The following CSMD1 variants were observed in gnomAD, a reference collection of about 807,000 sequenced individuals.
CSMD1 encodes CUB and sushi domain-containing protein 1.
CSMD1 carries 213 observed loss-of-function variants against 417.5 expected under a neutral mutation model. The observed-to-expected ratio is 0.51, with a 90% CI of 0.46 to 0.57. The LOEUF (loss-of-function observed/expected upper bound fraction) is 0.57, where lower values mean the gene tolerates loss of function less well. Among genes scored for constraint, CSMD1 ranks in the 20% least tolerant of loss-of-function variants. The probability of loss-of-function intolerance (pLI) is 0.00; values close to 1 mark genes in which losing one functional copy is unlikely to be tolerated. For synonymous variants in CSMD1, 2,862 were observed against 1,736.8 expected, an observed-to-expected ratio of 1.65 and a Z score of -16.11; for missense variants, 6,923 against 4,529.7, an observed-to-expected ratio of 1.53 and a Z score of -15.17.
rs1554518393 is a variant in CSMD1, at chr8:3,709,680, G to GGCTTTTTTTTTTTTTTTTT, written c.932-1190_932-1189insAAAAAAAAAAAAAAAAAGC. Among the ~76,000 whole-genome samples the GGCTTTTTTTTTTTTTTTTT allele has an allele frequency of 4.2e-4, 14 of 33,690 alleles. 2 individuals carry two copies. The highest frequency in any genetic ancestry group is 4.2e-4 in the African/African-American group (4 of 9,430). 22.1% of individuals were successfully genotyped at this position (33,690 alleles called of 152,430 possible). On this transcript the variant is annotated intron_variant, in intron 6 of 69. Coordinates refer to ENST00000635120, the MANE Select transcript of CSMD1 (RefSeq NM_033225.6). ...GATGGGCTTTAAATTGCAGCAGCAT[G>GGCTTTTTTTTTTTTTTTTT]TTTTTTTTTTTTTTTTTTTTTTTTT...
intron 3 of CSMD1, among the ~76,000 whole-genome samples, chr8:4,278,737 T>C (rs1796622431): frequency 6.6e-6 from 1 of 152,220 alleles, no homozygotes; most frequent in Non-Finnish European, 1.5e-5. Context: ...CTATCATCTC[T>C]GTTTGACTTG....
chr8:3,301,442 AG>A (rs1804400619), intron 25 of CSMD1, among the ~76,000 whole-genome samples: 1 of 152,218 alleles, frequency 6.6e-6, no homozygotes, highest in Non-Finnish European at 1.5e-5. Flanking sequence ...AGAGATTATT[AG>A]TACAGAAGGA....
chr8:3,018,599 G>A lies in CSMD1; in HGVS notation c.7907C>T (p.Thr2636Met), dbSNP rs1184531132. The A allele has an allele frequency of 3.7e-6, 6 of 1,613,076 alleles. No individual in the cohort carries two copies. Among genetic ancestry groups the A allele is most frequent in the African/African-American group, 1.3e-5 (1 of 74,762 alleles). Residue 2636 changes from threonine to methionine, a missense_variant, in exon 52 of 70, where the codon ACG (threonine) becomes ATG (methionine). Physicochemically the swap from Thr to Met is moderately conservative, Grantham distance 81. Transcript: ENST00000635120. ...AGCTGTGGCCCCATAAACTGTCAAC[G>A]TTCCAATCTTGTTGCCATTTGGGGG... ...SFPPNGNKIG[T>M]LTVYGATAIF... is the part of the protein sequence containing the mutation.
rs553419516 is a variant in CSMD1, at chr8:3,798,521, A to G, written c.819-44479T>C. ...GTCAAAAGGTGAGAAAGAAGAGGAA[A>G]GACAGCAAAGATCATATGAAAACAC... On this transcript the variant is annotated intron_variant, in intron 5 of 69. Transcript: ENST00000635120. Among the ~76,000 whole-genome samples, 8 of 152,234 alleles carry G rather than the reference A, an allele frequency of 5.3e-5. No homozygotes were observed. In the South Asian group the frequency reaches 1.7e-3, roughly 32 times the overall value.
At chr8:4,186,313 G>C (rs1384779619) in intron 3 of CSMD1, among the ~76,000 whole-genome samples, 1 of 152,090 alleles carries the variant, frequency 6.6e-6, no homozygotes, top group African/African-American at 2.4e-5. Flanking sequence ...GGGGCAGTCA[G>C]CTTTCCAACT....
At chr8:3,308,065 AATAATATGTGATAATT>A (rs1313545911) in intron 24 of CSMD1, among the ~76,000 whole-genome samples, 1 of 30,714 alleles carries the variant, frequency 3.3e-5, no homozygotes, top group Non-Finnish European at 7.2e-5. Context: ...TGATAATTCT[AATAATATGTGATAATT>A]CTAATAATAA....
chr8:4,062,701 A>C (rs1331588577), intron 3 of CSMD1, among the ~76,000 whole-genome samples: 1 of 151,976 alleles, frequency 6.6e-6, no homozygotes, highest in Non-Finnish European at 1.5e-5. Context: ...GCAAAGCCAC[A>C]CTGTCATTAT....
chr8:3,805,952 T>G (rs1322705594), intron 5 of CSMD1, among the ~76,000 whole-genome samples: 1 of 152,182 alleles, frequency 6.6e-6, no homozygotes, highest in African/African-American at 2.4e-5. Flanking sequence ...CTTGAAAGGC[T>G]CCTTCTTCTT....
At chr8:3,929,830 T>G (rs1170946196) in intron 5 of CSMD1, among the ~76,000 whole-genome samples, 4 of 149,442 alleles carry the variant, frequency 2.7e-5, no homozygotes, top group Admixed American at 1.3e-4. Context: ...CCTGGCTAAT[T>G]TTTGTGTTTT....
At chr8:2,980,289 G>A (rs1335796441) in intron 54 of CSMD1, among the ~76,000 whole-genome samples, 1 of 152,004 alleles carries the variant, frequency 6.6e-6, no homozygotes, top group Non-Finnish European at 1.5e-5. Flanking sequence ...GGATGCCAAA[G>A]GCCAGATTGA....
rs548160855 is a variant in CSMD1, at chr8:2,978,257, G to A, written c.8566+355C>T. ...GCTGAGCGAGAGTAAGACGCCTGGCGGGGAGGTCCTGGCTGCCGTGTCTGA... is the reference window on the plus strand; with the variant it reads ...GCTGAGCGAGAGTAAGACGCCTGGCAGGGAGGTCCTGGCTGCCGTGTCTGA... On this transcript the variant is annotated intron_variant, in intron 55 of 69. Coordinates refer to ENST00000635120, the MANE Select transcript of CSMD1 (RefSeq NM_033225.6). 9.9e-5 allele frequency among the ~76,000 whole-genome samples: 15 copies of A among 152,268 alleles called. No individual in the cohort carries two copies. The South Asian group carries it at 1.9e-3, about 19-fold the overall frequency.
chr8:3,342,984 A>T (rs189994725), intron 23 of CSMD1, among the ~76,000 whole-genome samples: 48 of 152,210 alleles, frequency 3.2e-4, no homozygotes, highest in African/African-American at 1.1e-3. Context: ...TAAGCACATG[A>T]ATTTGTATCA....
At chr8:3,340,444 T>G (rs1265658304) in intron 23 of CSMD1, among the ~76,000 whole-genome samples, 1 of 152,210 alleles carries the variant, frequency 6.6e-6, no homozygotes, top group East Asian at 1.9e-4. Flanking sequence ...AATCTACTCA[T>G]GTATATGCAT....
intron 1 of CSMD1, among the ~76,000 whole-genome samples, chr8:4,720,691 G>C (rs1342658241): frequency 1.3e-5 from 2 of 152,000 alleles, no homozygotes; most frequent in African/African-American, 4.8e-5. Flanking sequence ...CAAAGAGCTG[G>C]GATTACAGGT....
intron 10 of CSMD1, among the ~76,000 whole-genome samples, chr8:3,524,291 A>G (rs1797658314): frequency 6.6e-6 from 1 of 151,446 alleles, no homozygotes; most frequent in Non-Finnish European, 1.5e-5. Flanking sequence ...ATACATGCAC[A>G]CACACGTACA....
chr8:3,409,405 T>A lies in CSMD1; in HGVS notation c.1744+18A>T. 1 of 1,595,092 alleles carries A rather than the reference T, an allele frequency of 6.3e-7. No individual in the cohort carries two copies. The highest frequency in any genetic ancestry group is 8.6e-7 in the Non-Finnish European group (1 of 1,169,528). ...CTTGCAGGACAGGAGGGAGTCCAGG[T>A]CAAGGCATAATACTCACATACACAG... On this transcript the variant is annotated intron_variant, in intron 13 of 69. Coordinates refer to ENST00000635120, the MANE Select transcript of CSMD1 (RefSeq NM_033225.6).
chr8:3,644,783 C>T (rs1029423653), intron 7 of CSMD1, among the ~76,000 whole-genome samples: 2 of 151,858 alleles, frequency 1.3e-5, no homozygotes, highest in Admixed American at 6.6e-5. Flanking sequence ...TTGTAGAAAG[C>T]GTGCAGTTTA....
chr8:4,328,751 A>T (rs1585242231), intron 3 of CSMD1, among the ~76,000 whole-genome samples: 1 of 152,200 alleles, frequency 6.6e-6, no homozygotes, highest in African/African-American at 2.4e-5. Flanking sequence ...TTATCAAAAA[A>T]GTTACATCGT....
chr8:4,181,105 T>C (rs772267503), intron 3 of CSMD1, among the ~76,000 whole-genome samples: 25 of 152,270 alleles, frequency 1.6e-4, no homozygotes, highest in Middle Eastern at 3.4e-3. Flanking sequence ...CAACACATGA[T>C]TGACCAGCCA....
Sources: allele counts gnomAD v4.1 joint callset (sites outside exome capture counted in the v4.1 genomes callset), GRCh38; gene constraint gnomAD v4.1.1; transcripts MANE v1.5; gene names NCBI Gene and HGNC (gene_info 2026-07-23, HGNC 2026-07-21).